The following FAR2 variants were observed in gnomAD, a reference collection of about 807,000 sequenced individuals.
FAR2 encodes the protein epididymis secretory protein Li 81.
A neutral mutation model predicts 56.0 loss-of-function variants in FAR2; 19 were observed. The ratio of observed to expected loss-of-function variants is 0.34; its 90% CI spans 0.24 to 0.50. The LOEUF is 0.50. Among genes scored for constraint, FAR2 ranks in the 20% least tolerant of loss-of-function variants. The probability of loss-of-function intolerance (pLI) is 0.98; values close to 1 mark genes in which losing one functional copy is unlikely to be tolerated. For missense variants in FAR2, 508 were observed against 642.2 expected, an observed-to-expected ratio of 0.79 and a Z score of 2.26; for synonymous variants, 219 against 218.8, an observed-to-expected ratio of 1.00 and a Z score of -0.01.
At chr12:29,246,798 T>G (rs1345344640) in intron 1 of FAR2, among the ~76,000 whole-genome samples, 1 of 152,054 alleles carries the variant, frequency 6.6e-6, no homozygotes, top group Non-Finnish European at 1.5e-5. Context: ...TGCCTAAAAC[T>G]TTTGCTGATT....
chr12:29,300,530 G>C (rs1412045726), intron 4 of FAR2, among the ~76,000 whole-genome samples: 1 of 152,134 alleles, frequency 6.6e-6, no homozygotes, highest in East Asian at 1.9e-4. Context: ...TTAGTAATTG[G>C]TCTGTGTTAA....
intron 1 of FAR2, among the ~76,000 whole-genome samples, chr12:29,172,312 C>G (rs1460082268): frequency 3.3e-5 from 5 of 152,232 alleles, no homozygotes; most frequent in African/African-American, 1.2e-4. Flanking sequence ...TAAGTGACAG[C>G]CTTGTGTGTG....
At chr12:29,278,190 C>G (rs536312622) in intron 2 of FAR2, among the ~76,000 whole-genome samples, 5 of 151,930 alleles carry the variant, frequency 3.3e-5, no homozygotes, top group Non-Finnish European at 5.9e-5. Flanking sequence ...CTCAGTCTCC[C>G]AAAGTGCTAG....
chr12:29,173,577 A>G (rs1949908325), intron 1 of FAR2, among the ~76,000 whole-genome samples: 1 of 152,064 alleles, frequency 6.6e-6, no homozygotes, highest in African/African-American at 2.4e-5. Context: ...TCCATCAGAG[A>G]GAGAATACTG....
intron 4 of FAR2, among the ~76,000 whole-genome samples, chr12:29,303,299 G>C (rs942798500): frequency 3.3e-5 from 5 of 152,152 alleles, no homozygotes; most frequent in African/African-American, 1.2e-4. Flanking sequence ...AGGCAAGTTT[G>C]GGAAAGACTA....
At chr12:29,220,738 A>G (rs1423166499) in intron 1 of FAR2, among the ~76,000 whole-genome samples, 1 of 152,134 alleles carries the variant, frequency 6.6e-6, no homozygotes, top group Non-Finnish European at 1.5e-5. Context: ...CCTCCTCAGA[A>G]GAAAGAATTT....
rs539014369 is a variant in FAR2, at chr12:29,161,122, TTTA to T, written c.-39+11721_-39+11723del. ...CCAAGAGTTTCTTCTCCACATGATC[TTTA>T]TTATTTTTTAGGTATAACATCTGTG... is the stretch of plus-strand genomic sequence containing the variant. On this transcript the variant is annotated intron_variant, in intron 1 of 11. Transcript: ENST00000536681. Among the ~76,000 whole-genome samples the T allele has an allele frequency of 3.6e-4, 55 of 152,340 alleles. No homozygotes were observed. In the South Asian group the frequency reaches 0.011, roughly 29 times the overall value.
At chr12:29,222,228 C>G (rs897174815) in intron 1 of FAR2, among the ~76,000 whole-genome samples, 42 of 152,216 alleles carry the variant, frequency 2.8e-4, no homozygotes, top group African/African-American at 9.4e-4. Flanking sequence ...GCATTACATA[C>G]TCTTCCAATC....
intron 2 of FAR2, among the ~76,000 whole-genome samples, chr12:29,292,763 A>G (rs1412499797): frequency 1.3e-5 from 2 of 152,084 alleles, no homozygotes; most frequent in Non-Finnish European, 2.9e-5. Context: ...TCTGTCTACC[A>G]TTTTTCTGCA....
At chr12:29,283,985 T>C (rs1948828666) in intron 2 of FAR2, among the ~76,000 whole-genome samples, 1 of 152,254 alleles carries the variant, frequency 6.6e-6, no homozygotes, top group African/African-American at 2.4e-5. Flanking sequence ...CAAAGAAATG[T>C]TGAAAGCATT....
rs926673990 is a variant in FAR2, at chr12:29,235,264, A to C, written c.-38-35148A>C. Among the ~76,000 whole-genome samples, 3 of 152,212 alleles carry C rather than the reference A, an allele frequency of 2.0e-5. No homozygotes were observed. The East Asian group carries it at 5.8e-4, about 29-fold the overall frequency. On this transcript the variant is annotated intron_variant, in intron 1 of 11. Coordinates refer to ENST00000536681, the MANE Select transcript of FAR2 (RefSeq NM_001271783.2). The stretch of plus-strand genomic sequence containing the variant: ...TAGAAAAACTGGGTATGATTAATGT[A>C]CTAGAATGAAAATAAAGACCCTGTT...
chr12:29,297,741 A>C (rs1411162287), intron 4 of FAR2, among the ~76,000 whole-genome samples: 1 of 152,212 alleles, frequency 6.6e-6, no homozygotes, highest in Non-Finnish European at 1.5e-5. Context: ...ACTTAATCAA[A>C]TAATTCATAA....
At position 29,273,268 on chromosome 12, in the gene FAR2, T is replaced by C. The variant is rs552714185; in HGVS notation, c.189+2630T>C. 9.1e-4 allele frequency among the ~76,000 whole-genome samples: 138 copies of C among 152,302 alleles called. 1 individual carries two copies. The highest frequency in any genetic ancestry group is 3.0e-3 in the African/African-American group (126 of 41,570). ...GCTAAGTCTGCTGGTCCACAGAGAC[T>C]GCAGCCACCTCTCCCCTTAGGGGCT... On this transcript the variant is annotated intron_variant, in intron 2 of 11. Transcript: ENST00000536681.
At chr12:29,292,529 A>G (rs1212839767) in intron 2 of FAR2, among the ~76,000 whole-genome samples, 1 of 152,236 alleles carries the variant, frequency 6.6e-6, no homozygotes, top group Non-Finnish European at 1.5e-5. Context: ...TAGCATGCTT[A>G]TGATTGATTA....
chr12:29,223,299 T>C (rs896064537), intron 1 of FAR2, among the ~76,000 whole-genome samples: 3 of 152,300 alleles, frequency 2.0e-5, no homozygotes, highest in South Asian at 2.1e-4. Context: ...CTTCTGTAAA[T>C]CTCTTCTCCT....
At chr12:29,229,419 AGTG>A (rs1947819055) in intron 1 of FAR2, among the ~76,000 whole-genome samples, 1 of 152,232 alleles carries the variant, frequency 6.6e-6, no homozygotes, top group Non-Finnish European at 1.5e-5. Flanking sequence ...TGAAAAGTTA[AGTG>A]GTGTTGAGGA....
intron 2 of FAR2, chr12:29,292,183 A>G (rs1948979857): frequency 6.6e-6 from 1 of 152,204 alleles, no homozygotes. Context: ...TAAAAACCAA[A>G]GGCAAAAGAA....
intron 10 of FAR2, among the ~76,000 whole-genome samples, chr12:29,325,233 C>G (rs1949625536): frequency 6.6e-6 from 1 of 152,148 alleles, no homozygotes; most frequent in Non-Finnish European, 1.5e-5. Context: ...AATACAGGAG[C>G]ACCCAGATTC....
At chr12:29,305,168 C>T (rs898524802) in intron 4 of FAR2, among the ~76,000 whole-genome samples, 2 of 151,880 alleles carry the variant, frequency 1.3e-5, no homozygotes, top group Non-Finnish European at 2.9e-5. Flanking sequence ...GACAGGGTCT[C>T]TGTCACCCAA....
Sources: allele counts gnomAD v4.1 joint callset (sites outside exome capture counted in the v4.1 genomes callset), GRCh38; gene constraint gnomAD v4.1.1; transcripts MANE v1.5; gene names NCBI Gene and HGNC (gene_info 2026-07-23, HGNC 2026-07-21).